The following ZNF804B variants were observed in gnomAD, a reference collection of about 807,000 sequenced individuals.
ZNF804B encodes the protein zinc finger protein 804B, also known as zinc finger 804B.
In ZNF804B, 80 loss-of-function variants were observed where a neutral mutation model predicts 101.4. The observed-to-expected ratio is 0.79, with a 90% CI of 0.66 to 0.95. The LOEUF (loss-of-function observed/expected upper bound fraction) is 0.95, where lower values mean the gene tolerates loss of function less well. ZNF804B is among the 40% of genes least tolerant of loss of function. The pLI is 0.00. For synonymous variants in ZNF804B, 622 were observed against 558.8 expected (o/e 1.11, Z -1.59); for missense variants, 1,673 against 1,561.9 (o/e 1.07, Z -1.20).
rs1382065469 is a variant in ZNF804B at position 89,333,667 on chromosome 7, C to T, written c.685C>T (p.Leu229=). ...VSFTFSKKVH[L]KLESSASVFS... is the part of the protein sequence containing the mutation. ...ATTTACTTTTTCCAAAAAAGTGCAC[C>T]TAAAATTAGAATCTTCAGCATCAGT... The change falls in exon 4 of 4, where the codon CTA becomes TTA. Residue 229 remains leucine, a synonymous_variant. Coordinates refer to ENST00000333190, the MANE Select transcript of ZNF804B (RefSeq NM_181646.5). 1.9e-6 allele frequency: 3 copies of T among 1,613,402 alleles called. No homozygotes were observed. Among genetic ancestry groups the T allele is most frequent in the Non-Finnish European group, 2.5e-6 (3 of 1,179,642 alleles).
Position 89,333,546 on chromosome 7 carries a change from A to C in ZNF804B, c.564A>C (p.Arg188=). Reference sequence around the variant, plus strand: ...AACAGCGGTCCACCATGCCAAATCGACACCAATTACAATCAGACAGGCGTT... The same window carrying C: ...AACAGCGGTCCACCATGCCAAATCGCCACCAATTACAATCAGACAGGCGTT... ...SDKQRSTMPN[R]HQLQSDRRCL... Residue 188 remains arginine (R), a synonymous_variant, in exon 4 of 4, where the codon CGA becomes CGC. Transcript: ENST00000333190. 6.2e-7 allele frequency: 1 copy of C among 1,613,560 alleles called. No individual in the cohort carries two copies.
At chr7:88,933,961 AGC>A in intron 1 of ZNF804B, among the ~76,000 whole-genome samples, 1 of 151,466 alleles carries the variant, frequency 6.6e-6, no homozygotes. Context: ...ACATAGCCAA[AGC>A]AATACTAAGG....
At chr7:88,910,466 C>G (rs937596235) in intron 1 of ZNF804B, among the ~76,000 whole-genome samples, 3 of 151,732 alleles carry the variant, frequency 2.0e-5, no homozygotes, top group Non-Finnish European at 3.0e-5. Flanking sequence ...TTCTATGAAC[C>G]GTTGTATTTA....
intron 1 of ZNF804B, among the ~76,000 whole-genome samples, chr7:89,182,768 G>A (rs1362131835): frequency 6.6e-6 from 1 of 152,090 alleles, no homozygotes; most frequent in African/African-American, 2.4e-5. Context: ...ACTCTGATTT[G>A]AGCGCCAATC....
chr7:89,006,802 C>T (rs540503960), intron 1 of ZNF804B, among the ~76,000 whole-genome samples: 1 of 152,182 alleles, frequency 6.6e-6, no homozygotes, highest in Non-Finnish European at 1.5e-5. Context: ...AGCTCCTCTG[C>T]AAATGTAGAT....
At chr7:89,268,619 A>G (rs1789835247) in intron 2 of ZNF804B, among the ~76,000 whole-genome samples, 1 of 151,610 alleles carries the variant, frequency 6.6e-6, no homozygotes, top group African/African-American at 2.4e-5. Context: ...CAGAGCGCAA[A>G]TTTAAGAGTC....
At chr7:89,200,039 C>T (rs1468202556) in intron 1 of ZNF804B, among the ~76,000 whole-genome samples, 1 of 150,914 alleles carries the variant, frequency 6.6e-6, no homozygotes, top group Non-Finnish European at 1.5e-5. Context: ...CAGAACTGTG[C>T]CTTGTGCTTT....
At chr7:89,071,065 C>T (rs1388246392) in intron 1 of ZNF804B, among the ~76,000 whole-genome samples, 1 of 151,998 alleles carries the variant, frequency 6.6e-6, no homozygotes, top group Non-Finnish European at 1.5e-5. Flanking sequence ...TAAATCATCC[C>T]TAAATTACTT....
At chr7:89,221,262 G>A (rs1789000346) in intron 2 of ZNF804B, among the ~76,000 whole-genome samples, 2 of 151,934 alleles carry the variant, frequency 1.3e-5, no homozygotes, top group South Asian at 4.1e-4. Flanking sequence ...GATTACGTCT[G>A]TAAAGAGAAA....
intron 2 of ZNF804B, among the ~76,000 whole-genome samples, chr7:89,235,488 A>G (rs1379450964): frequency 6.6e-6 from 1 of 152,220 alleles, no homozygotes; most frequent in Admixed American, 6.5e-5. Flanking sequence ...AAATAATTCC[A>G]TATGTTTCAA....
chr7:89,136,508 A>G (rs1466714906), intron 1 of ZNF804B, among the ~76,000 whole-genome samples: 1 of 152,128 alleles, frequency 6.6e-6, no homozygotes, highest in Admixed American at 6.6e-5. Flanking sequence ...GATTCATAAT[A>G]CAATAATTCC....
intron 1 of ZNF804B, among the ~76,000 whole-genome samples, chr7:89,103,049 T>G (rs1373769125): frequency 5.5e-5 from 1 of 18,056 alleles, no homozygotes; most frequent in South Asian, 2.1e-3. Context: ...TATGTGTCTG[T>G]TTTTTTTTTT....
intron 1 of ZNF804B, among the ~76,000 whole-genome samples, chr7:89,148,753 G>C (rs1790826671): frequency 6.6e-6 from 1 of 152,134 alleles, no homozygotes; most frequent in South Asian, 2.1e-4. Context: ...ATGTCAGAGA[G>C]ACAATACCTA....
intron 1 of ZNF804B, among the ~76,000 whole-genome samples, chr7:88,985,623 C>G (rs1793748580): frequency 6.6e-6 from 1 of 151,986 alleles, no homozygotes; most frequent in Non-Finnish European, 1.5e-5. Context: ...AGTAAAACTG[C>G]CATTATAGAA....
chr7:88,849,440 A>G (rs894860298), intron 1 of ZNF804B, among the ~76,000 whole-genome samples: 3 of 151,902 alleles, frequency 2.0e-5, no homozygotes, highest in Non-Finnish European at 4.4e-5. Flanking sequence ...ATAAATATTG[A>G]GTAACAAGAT....
At chr7:88,960,709 T>C (rs930010072) in intron 1 of ZNF804B, among the ~76,000 whole-genome samples, 1 of 151,428 alleles carries the variant, frequency 6.6e-6, no homozygotes, top group African/African-American at 2.4e-5. Flanking sequence ...ACTTTTCTCC[T>C]TTCTGAAATA....
At chr7:89,029,005 A>G (rs1019083400) in intron 1 of ZNF804B, among the ~76,000 whole-genome samples, 2 of 152,192 alleles carry the variant, frequency 1.3e-5, no homozygotes, top group African/African-American at 4.8e-5. Flanking sequence ...TTTGTTTTCA[A>G]GAACTTACTA....
At chr7:88,955,798 A>G (rs1793297245) in intron 1 of ZNF804B, among the ~76,000 whole-genome samples, 1 of 151,708 alleles carries the variant, frequency 6.6e-6, no homozygotes, top group Admixed American at 6.6e-5. Flanking sequence ...GAAACAATCA[A>G]CAGAGTGAAA....
chr7:89,158,364 C>G (rs1484130158), intron 1 of ZNF804B, among the ~76,000 whole-genome samples: 4 of 152,098 alleles, frequency 2.6e-5, no homozygotes, highest in African/African-American at 4.8e-5. Flanking sequence ...CTCTTTAGTC[C>G]TCTTCCTCCC....
Sources: allele counts gnomAD v4.1 joint callset (sites outside exome capture counted in the v4.1 genomes callset), GRCh38; gene constraint gnomAD v4.1.1; transcripts MANE v1.5; gene names NCBI Gene and HGNC (gene_info 2026-07-23, HGNC 2026-07-21).